The following NUDCD1 variants were observed in gnomAD, a reference collection of about 807,000 sequenced individuals.
The protein encoded by NUDCD1 is NudC domain containing 1, also known as nudC domain-containing protein 1.
Under a neutral mutation model 67.8 loss-of-function variants are expected in NUDCD1, and 60 were observed. The observed-to-expected ratio is 0.88, with a 90% CI of 0.72 to 1.10. NUDCD1 has a LOEUF of 1.10. Ranked by LOEUF, NUDCD1 falls within the 50% of genes least tolerant of loss-of-function variation. The pLI is 0.00. For missense variants in NUDCD1, 643 were observed against 695.0 expected, an observed-to-expected ratio of 0.93 and a Z score of 0.84; for synonymous variants, 244 against 230.8, an observed-to-expected ratio of 1.06 and a Z score of -0.52.
intron 9 of NUDCD1, among the ~76,000 whole-genome samples, chr8:109,244,970 T>C (rs912974923): frequency 2.0e-5 from 3 of 152,204 alleles, no homozygotes; most frequent in African/African-American, 7.2e-5. Flanking sequence ...CTGAAGAAAC[T>C]TGAACACCAG....
intron 4 of NUDCD1, among the ~76,000 whole-genome samples, chr8:109,292,430 T>C (rs547662814): frequency 1.2e-3 from 103 of 84,642 alleles, no homozygotes; most frequent in African/African-American, 2.1e-3. Flanking sequence ...ATCTATTAGA[T>C]AGACAGATAG....
At chr8:109,277,825 T>G (rs1477426229) in intron 6 of NUDCD1, among the ~76,000 whole-genome samples, 3 of 152,192 alleles carry the variant, frequency 2.0e-5, no homozygotes, top group Non-Finnish European at 4.4e-5. Context: ...TTTGTAAATG[T>G]GACTCACATA....
At chr8:109,311,557 G>GTATATATATATATATATATATA (rs569380890) in intron 2 of NUDCD1, among the ~76,000 whole-genome samples, 23 of 62,686 alleles carry the variant, frequency 3.7e-4, no homozygotes, top group Non-Finnish European at 3.4e-4. Flanking sequence ...AGAAACTGTG[G>GTATATATATATATATATATATA]TGTATATATA....
In NUDCD1 at chr8:109,254,059, G is replaced by A. The variant is rs558454956; in HGVS notation, c.1300-8578C>T. Among the ~76,000 whole-genome samples, 7 of 152,164 alleles carry A rather than the reference G, an allele frequency of 4.6e-5. No individual in the cohort carries two copies. In the South Asian group the frequency reaches 1.5e-3, roughly 32 times the overall value. On this transcript the variant is annotated intron_variant, in intron 8 of 9. Transcript: ENST00000239690. ...TTCTGACTGTGAACAAAATTCCATC[G>A]AGTTTACAACTTGGTAGCCAAGAGC...
At chr8:109,261,899 TAC>T (rs1813870981) in intron 8 of NUDCD1, among the ~76,000 whole-genome samples, 1 of 152,142 alleles carries the variant, frequency 6.6e-6, no homozygotes, top group Non-Finnish European at 1.5e-5. Context: ...TAAGGGCTAG[TAC>T]ACACCATAAA....
chr8:109,331,146 G>A (rs989357016), intron 1 of NUDCD1, among the ~76,000 whole-genome samples: 1 of 152,062 alleles, frequency 6.6e-6, no homozygotes, highest in African/African-American at 2.4e-5. Flanking sequence ...TTCAAGACCA[G>A]CTTGGCCAAG....
At chr8:109,291,728 A>G (rs1480376469) in intron 4 of NUDCD1, among the ~76,000 whole-genome samples, 1 of 152,182 alleles carries the variant, frequency 6.6e-6, no homozygotes, top group Non-Finnish European at 1.5e-5. Flanking sequence ...TTGGGAGAAA[A>G]AAGGTTAGTC....
At chr8:109,258,997 G>A (rs1267330125) in intron 8 of NUDCD1, among the ~76,000 whole-genome samples, 1 of 152,168 alleles carries the variant, frequency 6.6e-6, no homozygotes, top group Non-Finnish European at 1.5e-5. Flanking sequence ...ATTGAGGTCA[G>A]CATTACTGTG....
intron 1 of NUDCD1, among the ~76,000 whole-genome samples, chr8:109,325,562 A>G (rs1815661929): frequency 6.6e-6 from 1 of 152,214 alleles, no homozygotes; most frequent in South Asian, 2.1e-4. Flanking sequence ...AAATCTGTAA[A>G]AAGTAGGAAG....
chr8:109,264,438 G>A (rs1813944864), intron 8 of NUDCD1, among the ~76,000 whole-genome samples: 1 of 152,160 alleles, frequency 6.6e-6, no homozygotes, highest in African/African-American at 2.4e-5. Flanking sequence ...ATGCTTATGT[G>A]TGTATCGGTT....
intron 8 of NUDCD1, among the ~76,000 whole-genome samples, chr8:109,259,453 T>C (rs1813816370): frequency 6.6e-6 from 1 of 152,200 alleles, no homozygotes; most frequent in South Asian, 2.1e-4. Context: ...AGACCCACTG[T>C]CATTATGGAT....
chr8:109,243,804 T>C (rs1416438520), intron 9 of NUDCD1, among the ~76,000 whole-genome samples: 1 of 152,154 alleles, frequency 6.6e-6, no homozygotes, highest in Non-Finnish European at 1.5e-5. Flanking sequence ...TGATGCATTC[T>C]CTTATTATCC....
At chr8:109,284,436 A>G (rs1209194630) in intron 5 of NUDCD1, among the ~76,000 whole-genome samples, 2 of 152,146 alleles carry the variant, frequency 1.3e-5, no homozygotes, top group African/African-American at 4.8e-5. Flanking sequence ...AATCTAACAG[A>G]CATCTACAGA....
intron 8 of NUDCD1, among the ~76,000 whole-genome samples, chr8:109,249,000 G>T (rs568297008): frequency 1.3e-5 from 2 of 152,002 alleles, no homozygotes; most frequent in Non-Finnish European, 2.9e-5. Flanking sequence ...AAAAGAAATT[G>T]TGTATTGCAA....
chr8:109,267,468 T>C lies in NUDCD1; in HGVS notation c.1299+3537A>G, dbSNP rs551593218. 2.0e-5 allele frequency among the ~76,000 whole-genome samples: 3 copies of C among 152,330 alleles called. No homozygotes were observed. The East Asian group carries it at 5.8e-4, about 29-fold the overall frequency. On this transcript the variant is annotated intron_variant, in intron 8 of 9. Coordinates refer to ENST00000239690, the MANE Select transcript of NUDCD1 (RefSeq NM_032869.4). Reference sequence around the variant, plus strand: ...ATAGGAATGTAAATTAGTTAGCTATTGTGGAAAGTAGTTTGGAGATTTCTC... The same window carrying C: ...ATAGGAATGTAAATTAGTTAGCTATCGTGGAAAGTAGTTTGGAGATTTCTC...
chr8:109,265,873 G>GCGA (rs1813980898), intron 8 of NUDCD1, among the ~76,000 whole-genome samples: 1 of 152,138 alleles, frequency 6.6e-6, no homozygotes, highest in Non-Finnish European at 1.5e-5. Flanking sequence ...CTCCTGCTGT[G>GCGA]CGACCAGGTT....
intron 8 of NUDCD1, among the ~76,000 whole-genome samples, chr8:109,264,274 C>T (rs1333217528): frequency 6.6e-6 from 1 of 152,126 alleles, no homozygotes; most frequent in Non-Finnish European, 1.5e-5. Flanking sequence ...TCTGTCACTT[C>T]AAGGAGAACA....
intron 1 of NUDCD1, 149 bp downstream of exon 1, chr8:109,333,744 C>G (rs766411830): frequency 3.6e-5 from 30 of 832,424 alleles, no homozygotes; most frequent in Non-Finnish European, 5.3e-5. Context: ...GGGCATCATT[C>G]CCCAGAAGCA....
chr8:109,266,107 A>C (rs1276988321), intron 8 of NUDCD1, among the ~76,000 whole-genome samples: 1 of 151,684 alleles, frequency 6.6e-6, no homozygotes, highest in African/African-American at 2.4e-5. Context: ...TAAATTATCT[A>C]GTAGCCATAT....
Sources: gnomAD v4.1 joint callset for allele counts (sites outside exome capture counted in the v4.1 genomes callset) on GRCh38, gnomAD v4.1.1 for gene constraint, MANE v1.5 for transcripts, NCBI Gene and HGNC (gene_info 2026-07-23, HGNC 2026-07-21) for gene names.